CADPS2: variants seen among roughly 807,000 people sequenced by gnomAD.
CADPS2 encodes the protein calcium dependent secretion activator 2.
Under a neutral mutation model 172.5 loss-of-function variants are expected in CADPS2, and 93 were observed. The observed-to-expected ratio is 0.54, with a 90% CI of 0.46 to 0.64. The LOEUF (loss-of-function observed/expected upper bound fraction) is 0.64, where lower values mean the gene tolerates loss of function less well. CADPS2 is among the 30% of genes least tolerant of loss of function. CADPS2 has a pLI of 0.00. For missense variants in CADPS2, 1,420 were observed against 1,565.9 expected (o/e 0.91, Z 1.57); for synonymous variants, 546 against 555.2 (o/e 0.98, Z 0.23).
Position 122,405,031 on chromosome 7 carries a change from G to A in CADPS2, c.2746+2509C>T, listed in dbSNP as rs555287829. 5.9e-5 allele frequency among the ~76,000 whole-genome samples: 9 copies of A among 151,966 alleles called. No individual in the cohort carries two copies. In the East Asian group the frequency reaches 1.4e-3, roughly 23 times the overall value. ...GTGGAGGCAGAGCTTGCAGTGAGCC[G>A]AGATCGCGTCATTGCACTCCAGCCT... On this transcript the variant is annotated intron_variant, in intron 20 of 29. Coordinates refer to ENST00000449022, the MANE Select transcript of CADPS2 (RefSeq NM_017954.11).
intron 4 of CADPS2, among the ~76,000 whole-genome samples, chr7:122,623,632 C>T (rs1477499570): frequency 6.6e-6 from 1 of 152,126 alleles, no homozygotes; most frequent in Non-Finnish European, 1.5e-5. Context: ...TTTGATTAAA[C>T]CCCATTAATC....
intron 6 of CADPS2, among the ~76,000 whole-genome samples, chr7:122,599,393 G>A (rs1243571355): frequency 6.6e-6 from 1 of 151,920 alleles, no homozygotes; most frequent in Non-Finnish European, 1.5e-5. Flanking sequence ...AAGATTTGCT[G>A]GATATTAAGA....
At position 122,699,198 on chromosome 7, in the gene CADPS2, CA is replaced by C. The variant is rs146061920; in HGVS notation, c.454-35630del. On this transcript the variant is annotated intron_variant, in intron 2 of 29. Coordinates refer to ENST00000449022, the MANE Select transcript of CADPS2 (RefSeq NM_017954.11). ...ATTATGACATGCAAGACCCAGCAGC[CA>C]ATTAGATAAGAGCTTAGAGCATACT... is the stretch of plus-strand genomic sequence containing the variant. The C allele has an allele frequency of 9.1e-3, 2,878 of 316,966 alleles. 23 individuals are homozygous for C. Among genetic ancestry groups the C allele is most frequent in the Non-Finnish European group, 0.013 (2,157 of 170,700 alleles). 19.6% of individuals were successfully genotyped at this position (316,966 alleles called of 1,614,324 possible).
At chr7:122,744,581 A>C (rs890041456) in intron 1 of CADPS2, among the ~76,000 whole-genome samples, 2 of 152,228 alleles carry the variant, frequency 1.3e-5, no homozygotes, top group Non-Finnish European at 2.9e-5. Flanking sequence ...GATTGAAAAC[A>C]AAGTTATTTT....
intron 17 of CADPS2, chr7:122,421,016 T>C (rs143489100): frequency 1.5e-3 from 223 of 152,376 alleles, no homozygotes; most frequent in African/African-American, 4.6e-3. Context: ...CCTGGCACAC[T>C]GGACTGGGCT....
At position 122,745,113 on chromosome 7, in the gene CADPS2, C is replaced by T. The variant is rs572300468; in HGVS notation, c.340-8045G>A. ...TAACACACCCATCATCTTACAGTTACCTTTTGTGTCTGTGTGTGTGTGTGC... is the reference window on the plus strand; with the variant it reads ...TAACACACCCATCATCTTACAGTTATCTTTTGTGTCTGTGTGTGTGTGTGC... On this transcript the variant is annotated intron_variant, in intron 1 of 29. Transcript: ENST00000449022. 6.6e-5 allele frequency among the ~76,000 whole-genome samples: 10 copies of T among 151,888 alleles called. No homozygotes were observed. In the East Asian group the frequency reaches 1.9e-3, roughly 29 times the overall value.
At chr7:122,717,434 T>C (rs1253160908) in intron 2 of CADPS2, among the ~76,000 whole-genome samples, 2 of 152,130 alleles carry the variant, frequency 1.3e-5, no homozygotes, top group African/African-American at 2.4e-5. Flanking sequence ...AAAGACCACA[T>C]AAAAATGTTT....
intron 4 of CADPS2, among the ~76,000 whole-genome samples, chr7:122,624,724 C>T (rs2075913938): frequency 1.3e-5 from 2 of 152,126 alleles, no homozygotes; most frequent in Admixed American, 1.3e-4. Context: ...TTCAAGAATT[C>T]TTCACAGCCC....
intron 1 of CADPS2, among the ~76,000 whole-genome samples, chr7:122,876,180 T>G (rs1280463821): frequency 6.6e-6 from 1 of 151,836 alleles, no homozygotes; most frequent in Non-Finnish European, 1.5e-5. Context: ...ATTAGCCGGG[T>G]GTGGTGGTGC....
chr7:122,544,467 T>C (rs539671268), intron 8 of CADPS2, among the ~76,000 whole-genome samples: 1 of 152,278 alleles, frequency 6.6e-6, no homozygotes, highest in East Asian at 1.9e-4. Context: ...TATGAGCCTA[T>C]AGTTTATTAA....
At chr7:122,468,657 T>C (rs2055489843) in intron 14 of CADPS2, among the ~76,000 whole-genome samples, 2 of 152,218 alleles carry the variant, frequency 1.3e-5, no homozygotes, top group Non-Finnish European at 2.9e-5. Flanking sequence ...ATGACAACTC[T>C]GAGTTTCAGA....
intron 12 of CADPS2, among the ~76,000 whole-genome samples, chr7:122,477,604 T>C (rs1180306920): frequency 2.3e-5 from 3 of 129,106 alleles, no homozygotes; most frequent in Non-Finnish European, 4.8e-5. Context: ...AAGGCAACAA[T>C]AGCATCAAAG....
rs12113752 is a variant in CADPS2 at position 122,396,983 on chromosome 7, T to C, written c.2747-3401A>G. ...TTATTATTGTATTAAATGGCACTTATAAAACCTATTGAGGCCTGTGTATAC... is the reference window on the plus strand; with the variant it reads ...TTATTATTGTATTAAATGGCACTTACAAAACCTATTGAGGCCTGTGTATAC... On this transcript the variant is annotated intron_variant, in intron 20 of 29. Transcript: ENST00000449022. Among the ~76,000 whole-genome samples the C allele has an allele frequency of 2.5e-3, 376 of 152,344 alleles. 1 individual carries two copies. Among genetic ancestry groups the C allele is most frequent in the African/African-American group, 8.6e-3 (359 of 41,592 alleles).
rs112572320 is a variant in CADPS2 at position 122,679,267 on chromosome 7, G to T, written c.454-15698C>A. Among the ~76,000 whole-genome samples the T allele has an allele frequency of 5.6e-3, 290 of 52,176 alleles. 56 individuals carry two copies. Among genetic ancestry groups the T allele is most frequent in the African/African-American group, 0.016 (251 of 16,160 alleles). The allele number at this position is 52,176 out of a possible 152,430, so 34.2% of individuals were successfully genotyped here. Reference sequence around the variant, plus strand: ...GCCCTGGGAAAAGAATGCATTCCTGGGGGGGGGGGGCTCTAAAATGGCCAC... The same window carrying T: ...GCCCTGGGAAAAGAATGCATTCCTGTGGGGGGGGGGCTCTAAAATGGCCAC... On this transcript the variant is annotated intron_variant, in intron 2 of 29. Transcript: ENST00000449022.
chr7:122,840,715 A>C (rs968001112), intron 1 of CADPS2, among the ~76,000 whole-genome samples: 1 of 152,106 alleles, frequency 6.6e-6, no homozygotes, highest in African/African-American at 2.4e-5. Context: ...CAGAAACTTG[A>C]GACTAGTCTG....
At chr7:122,477,447 C>T (rs1025922331) in intron 12 of CADPS2, among the ~76,000 whole-genome samples, 6 of 151,656 alleles carry the variant, frequency 4.0e-5, no homozygotes, top group East Asian at 3.9e-4. Context: ...ACCCAGGAGG[C>T]GAAGGTTGCA....
At chr7:122,495,581 T>A (rs1356866650) in intron 9 of CADPS2, among the ~76,000 whole-genome samples, 4 of 152,204 alleles carry the variant, frequency 2.6e-5, no homozygotes, top group African/African-American at 9.6e-5. Context: ...TTTTTTTCAC[T>A]TGTCCTTACA....
chr7:122,849,472 G>T (rs544099534), intron 1 of CADPS2, among the ~76,000 whole-genome samples: 5 of 152,224 alleles, frequency 3.3e-5, no homozygotes, highest in Admixed American at 3.3e-4. Context: ...ACGTTTCCTT[G>T]GTAAAGTCAC....
chr7:122,774,310 A>T (rs73719773), intron 1 of CADPS2, among the ~76,000 whole-genome samples: 2,623 of 144,946 alleles, frequency 0.018, 72 homozygotes, highest in African/African-American at 0.063. Context: ...ACACACACAC[A>T]CTCTGGAAAC....
Sources: gnomAD v4.1 joint callset for allele counts (sites outside exome capture counted in the v4.1 genomes callset) on GRCh38, gnomAD v4.1.1 for gene constraint, MANE v1.5 for transcripts, NCBI Gene and HGNC (gene_info 2026-07-23, HGNC 2026-07-21) for gene names.